PARD3B: variants seen among roughly 807,000 people sequenced by gnomAD.
The protein encoded by PARD3B is partitioning defective 3 homolog B.
Under a neutral mutation model 130.2 loss-of-function variants are expected in PARD3B, and 103 were observed. The ratio of observed to expected loss-of-function variants is 0.79; its 90% confidence interval spans 0.67 to 0.93. The LOEUF (loss-of-function observed/expected upper bound fraction) is 0.93. Among genes scored for constraint, PARD3B ranks in the 40% least tolerant of loss-of-function variants. The probability of loss-of-function intolerance (pLI) is 0.00; values close to 1 mark genes in which losing one functional copy is unlikely to be tolerated. For synonymous variants in PARD3B, 583 were observed against 553.2 expected, an observed-to-expected ratio of 1.05 and a Z score of -0.76; for missense variants, 1,609 against 1,499.2, an observed-to-expected ratio of 1.07 and a Z score of -1.21.
intron 3 of PARD3B, among the ~76,000 whole-genome samples, chr2:205,022,495 C>T (rs927560062): frequency 1.3e-5 from 2 of 152,056 alleles, no homozygotes; most frequent in African/African-American, 4.8e-5. Flanking sequence ...TAGAGTTTTT[C>T]CCCTTCAATA....
rs1164996410 is a variant in PARD3B at position 205,381,202 on chromosome 2, A to T, written c.2631-19811A>T. Among the ~76,000 whole-genome samples the T allele has an allele frequency of 2.1e-3, 253 of 119,790 alleles. 1 individual carries two copies. Among genetic ancestry groups the T allele is most frequent in the Non-Finnish European group, 3.5e-3 (221 of 63,080 alleles). 78.6% of individuals were successfully genotyped at this position (119,790 alleles called of 152,430 possible). ...TATATAAAGAATATATATTATATAT[A>T]ATATATAAAGAATATATATTATATA... is the stretch of plus-strand genomic sequence containing the variant. On this transcript the variant is annotated intron_variant, in intron 18 of 22. Transcript: ENST00000406610.
At chr2:204,999,998 A>G (rs979948557) in intron 3 of PARD3B, among the ~76,000 whole-genome samples, 13 of 152,016 alleles carry the variant, frequency 8.6e-5, no homozygotes, top group African/African-American at 3.1e-4. Flanking sequence ...TGAGAAATAT[A>G]AGGAGTGTTC....
At position 205,225,540 on chromosome 2, in the gene PARD3B, TCA is replaced by T. The variant is rs1318773303; in HGVS notation, c.2141-20234_2141-20233del. ...AGATGGTATATTAGTCTGTTCTCAC[TCA>T]CACTGTTTTAAAGAACTACCTGAGA... is the stretch of plus-strand genomic sequence containing the variant. On this transcript the variant is annotated intron_variant, in intron 15 of 22. Transcript: ENST00000406610. Among the ~76,000 whole-genome samples the T allele has an allele frequency of 3.3e-5, 5 of 152,210 alleles. No individual in the cohort carries two copies. The East Asian group carries it at 9.6e-4, about 29-fold the overall frequency.
At chr2:205,009,540 G>T (rs988935519) in intron 3 of PARD3B, among the ~76,000 whole-genome samples, 1 of 151,786 alleles carries the variant, frequency 6.6e-6, no homozygotes, top group South Asian at 2.1e-4. Context: ...GCATGGTGGC[G>T]GGCGCCTGTA....
rs1574778384 is a variant in PARD3B at position 205,351,499 on chromosome 2, C to A, written c.2631-49514C>A. On this transcript the variant is annotated intron_variant, in intron 18 of 22. Coordinates refer to ENST00000406610, the MANE Select transcript of PARD3B (RefSeq NM_001302769.2). This position sits in a 1 kb window ranked among gnomAD's most constrained non-coding sequence, Gnocchi z 4.2. ...GGTGCTGAGTGAGTGGTAGCATAAG[C>A]AATTTGGGCTGGAGTGAGAGGCGAG... Among the ~76,000 whole-genome samples, 1 of 152,082 alleles carries A rather than the reference C, an allele frequency of 6.6e-6. No individual in the cohort carries two copies. Among genetic ancestry groups the A allele is most frequent in the African/African-American group, 2.4e-5 (1 of 41,400 alleles).
chr2:205,367,977 A>T (rs1441242460), intron 18 of PARD3B, among the ~76,000 whole-genome samples: 1 of 152,228 alleles, frequency 6.6e-6, no homozygotes, highest in African/African-American at 2.4e-5. Flanking sequence ...ATGGTCACTC[A>T]CTGTGGTATT....
intron 3 of PARD3B, among the ~76,000 whole-genome samples, chr2:204,998,794 A>G (rs1209891058): frequency 6.6e-6 from 1 of 152,050 alleles, no homozygotes; most frequent in East Asian, 1.9e-4. Context: ...GCTCACTGCA[A>G]CTTCTGACAC....
chr2:205,080,931 A>G (rs1311442423), intron 4 of PARD3B, among the ~76,000 whole-genome samples: 3 of 152,094 alleles, frequency 2.0e-5, no homozygotes, highest in Non-Finnish European at 4.4e-5. Context: ...ATGAAGACTT[A>G]TATAGATAGG....
At position 205,187,749 on chromosome 2, in the gene PARD3B, T is replaced by C. The variant is rs1368464726; in HGVS notation, c.2024+1886T>C. On this transcript the variant is annotated intron_variant, in intron 14 of 22. Coordinates refer to ENST00000406610, the MANE Select transcript of PARD3B (RefSeq NM_001302769.2). The surrounding 1 kb of genome is among the most constrained non-coding windows in gnomAD (Gnocchi z 4.9). ...CTCGCTGCTGTAAATCTTCATTACA[T>C]GGTATGAACTAGTAACTTCCATCTT... 6.6e-6 allele frequency among the ~76,000 whole-genome samples: 1 copy of C among 152,222 alleles called. No homozygotes were observed. Among genetic ancestry groups the C allele is most frequent in the Admixed American group, 6.5e-5 (1 of 15,290 alleles).
In PARD3B at chr2:204,550,333, G is replaced by A. The variant is rs376966445; in HGVS notation, c.120+4214G>A. Reference sequence around the variant, plus strand: ...AATTGTGTGTGTGTGTTCAGTACACGTAGTTTTTTTTCTAAATATTTTTGA... The same window carrying A: ...AATTGTGTGTGTGTGTTCAGTACACATAGTTTTTTTTCTAAATATTTTTGA... On this transcript the variant is annotated intron_variant, in intron 1 of 22. Transcript: ENST00000406610. 4.6e-5 allele frequency among the ~76,000 whole-genome samples: 7 copies of A among 151,826 alleles called. No homozygotes were observed. The East Asian group carries it at 5.8e-4, about 13-fold the overall frequency.
intron 21 of PARD3B, among the ~76,000 whole-genome samples, chr2:205,522,111 AATT>A (rs200446788): frequency 6.6e-6 from 1 of 151,432 alleles, no homozygotes; most frequent in Non-Finnish European, 1.5e-5. Context: ...TATATTTAAT[AATT>A]ATTTTTTGTT....
chr2:204,668,200 G>A (rs777374571), intron 1 of PARD3B, among the ~76,000 whole-genome samples: 2 of 152,168 alleles, frequency 1.3e-5, no homozygotes, highest in African/African-American at 2.4e-5. Context: ...AGCTCTAAAG[G>A]TCAATGGATG....
chr2:205,145,794 T>C (rs2033307109), intron 10 of PARD3B, among the ~76,000 whole-genome samples: 1 of 150,072 alleles, frequency 6.7e-6, no homozygotes, highest in South Asian at 2.1e-4. Context: ...CTGAATATGT[T>C]TTAACTTTAA....
rs2054401242 is a variant in PARD3B, at chr2:205,591,959, G to T, written c.3261-23497G>T. 6.6e-6 allele frequency among the ~76,000 whole-genome samples: 1 copy of T among 152,164 alleles called. No homozygotes were observed. Among genetic ancestry groups the T allele is most frequent in the South Asian group, 2.1e-4 (1 of 4,822 alleles). On this transcript the variant is annotated intron_variant, in intron 22 of 22. Transcript: ENST00000406610. The surrounding 1 kb of genome is among the most constrained non-coding windows in gnomAD (Gnocchi z 4.2). ...CCCAGGCATGGACATTAAGATTCAA[G>T]GCTAGGATCTCATTTAATGGTCACA...
At chr2:204,628,429 G>A (rs2034561482) in intron 1 of PARD3B, among the ~76,000 whole-genome samples, 1 of 152,026 alleles carries the variant, frequency 6.6e-6, no homozygotes, top group Non-Finnish European at 1.5e-5. Flanking sequence ...ATGTGTAAAT[G>A]CATAAATTTA....
At chr2:205,238,884 GTGTA>G (rs1372104587) in intron 15 of PARD3B, among the ~76,000 whole-genome samples, 9 of 75,270 alleles carry the variant, frequency 1.2e-4, no homozygotes, top group African/African-American at 2.3e-4. Flanking sequence ...ATATGTATGT[GTGTA>G]TATATATATA....
intron 1 of PARD3B, among the ~76,000 whole-genome samples, chr2:204,558,601 A>C (rs1486282866): frequency 6.6e-6 from 1 of 152,222 alleles, no homozygotes; most frequent in Non-Finnish European, 1.5e-5. Flanking sequence ...CAATATCGTG[A>C]AAATGGCCAT....
At chr2:205,056,184 T>C (rs563803470) in intron 4 of PARD3B, among the ~76,000 whole-genome samples, 72 of 151,680 alleles carry the variant, frequency 4.7e-4, no homozygotes, top group Admixed American at 9.2e-4. Context: ...GTGTGATTCA[T>C]AGAACTCTCT....
At chr2:204,873,138 C>T (rs1367144459) in intron 2 of PARD3B, among the ~76,000 whole-genome samples, 1 of 152,152 alleles carries the variant, frequency 6.6e-6, no homozygotes, top group Admixed American at 6.6e-5. Flanking sequence ...ATGTGAAAGA[C>T]CTGAGCAGTG....
Sources: allele counts gnomAD v4.1 joint callset (sites outside exome capture counted in the v4.1 genomes callset), GRCh38; gene constraint gnomAD v4.1.1; non-coding constraint Gnocchi (gnomAD v3.1); transcripts MANE v1.5; gene names NCBI Gene and HGNC (gene_info 2026-07-23, HGNC 2026-07-21).